ERBB4: variants seen among roughly 807,000 people sequenced by gnomAD.
ERBB4 encodes the protein receptor tyrosine-protein kinase erbB-4.
Under a neutral mutation model 158.0 loss-of-function variants are expected in ERBB4, and 42 were observed. The ratio of observed to expected loss-of-function variants is 0.27; its 90% CI spans 0.21 to 0.34. The LOEUF is 0.34. Ranked by LOEUF, ERBB4 falls within the 10% of genes least tolerant of loss-of-function variation. ERBB4 has a pLI of 1.00. For missense variants in ERBB4, 1,333 were observed against 1,624.1 expected (o/e 0.82, Z 3.08); for synonymous variants, 583 against 558.7 (o/e 1.04, Z -0.61).
intron 1 of ERBB4, among the ~76,000 whole-genome samples, chr2:212,367,932 G>A (rs1338492468): frequency 6.6e-6 from 1 of 151,992 alleles, no homozygotes; most frequent in Non-Finnish European, 1.5e-5. Context: ...TCAAAAAACA[G>A]TAGATGTTGG....
chr2:212,242,783 T>A (rs1031938622), intron 1 of ERBB4, among the ~76,000 whole-genome samples: 1 of 152,208 alleles, frequency 6.6e-6, no homozygotes, highest in Non-Finnish European at 1.5e-5. Context: ...ATTTAAATTG[T>A]GGCACTACAA....
chr2:211,653,401 A>G lies in ERBB4; in HGVS notation c.1946+4353T>C, dbSNP rs1574929354. The stretch of plus-strand genomic sequence containing the variant: ...GGCTTGGGAAAGAATAACATTGCTT[A>G]GAAAATGAAAGTTGATCAAGACTGG... On this transcript the variant is annotated intron_variant, in intron 16 of 27. Transcript: ENST00000342788. 2.6e-5 allele frequency among the ~76,000 whole-genome samples: 4 copies of G among 152,168 alleles called. No homozygotes were observed. The East Asian group carries it at 7.7e-4, about 29-fold the overall frequency.
intron 1 of ERBB4, among the ~76,000 whole-genome samples, chr2:212,163,480 T>C (rs1234336921): frequency 1.3e-5 from 2 of 152,094 alleles, no homozygotes; most frequent in Admixed American, 6.6e-5. Flanking sequence ...ATCTAACACA[T>C]AAAGAATTGA....
chr2:212,451,916 T>C (rs1227978725), intron 1 of ERBB4, among the ~76,000 whole-genome samples: 1 of 152,088 alleles, frequency 6.6e-6, no homozygotes, highest in Non-Finnish European at 1.5e-5. Context: ...AAATGAAGGT[T>C]GCATCACCAG....
chr2:211,427,228 A>G (rs941938080), intron 22 of ERBB4, among the ~76,000 whole-genome samples: 9 of 151,950 alleles, frequency 5.9e-5, no homozygotes, highest in Admixed American at 3.3e-4. Flanking sequence ...TTTTTTTTCC[A>G]ACAATGCAAA....
intron 20 of ERBB4, among the ~76,000 whole-genome samples, chr2:211,448,412 T>C (rs965112401): frequency 1.3e-5 from 2 of 150,908 alleles, no homozygotes; most frequent in South Asian, 2.1e-4. Context: ...CAGCCATTTA[T>C]GATTTTTTAA....
intron 1 of ERBB4, among the ~76,000 whole-genome samples, chr2:212,181,904 T>G (rs745817189): frequency 2.6e-5 from 4 of 151,712 alleles, no homozygotes; most frequent in Admixed American, 6.6e-5. Context: ...TTAAAATATC[T>G]GTTCCCTCCA....
chr2:211,523,067 A>G (rs148069943), intron 20 of ERBB4, among the ~76,000 whole-genome samples: 142 of 150,478 alleles, frequency 9.4e-4, no homozygotes, highest in African/African-American at 3.5e-3. Context: ...GATAGGAAAT[A>G]ACACTGGATA....
Position 211,833,552 on chromosome 2 carries a change from T to C in ERBB4, c.422-45393A>G, listed in dbSNP as rs556101027. Among the ~76,000 whole-genome samples the C allele has an allele frequency of 2.0e-5, 3 of 152,100 alleles. No homozygotes were observed. In the East Asian group the frequency reaches 5.8e-4, roughly 30 times the overall value. Reference sequence around the variant, plus strand: ...CTCAGATCTAGCTCTGAGCTATAGATAGATATGATCATCTTCCCTGAGGGA... The same window carrying C: ...CTCAGATCTAGCTCTGAGCTATAGACAGATATGATCATCTTCCCTGAGGGA... On this transcript the variant is annotated intron_variant, in intron 3 of 27. Transcript: ENST00000342788.
At chr2:211,704,003 C>G in intron 11 of ERBB4, 101 bp downstream of exon 11, 1 of 794,978 alleles carries the variant, frequency 1.3e-6, no homozygotes, top group Non-Finnish European at 2.3e-6. Context: ...ATGATTTCCC[C>G]AGAATCAGTA....
chr2:212,188,252 CT>C (rs1559692131), intron 1 of ERBB4, among the ~76,000 whole-genome samples: 13 of 90,372 alleles, frequency 1.4e-4, no homozygotes, highest in East Asian at 5.3e-4. Flanking sequence ...CTCTCACCCC[CT>C]CCCTCCCTCC....
chr2:211,802,693 A>G (rs2076527636), intron 3 of ERBB4, among the ~76,000 whole-genome samples: 1 of 152,260 alleles, frequency 6.6e-6, no homozygotes, highest in South Asian at 2.1e-4. Flanking sequence ...GTTATAATCT[A>G]AATTGCAACT....
Position 211,785,189 on chromosome 2 carries a change from C to A in ERBB4, c.556+2836G>T, listed in dbSNP as rs576145056. 3.9e-5 allele frequency among the ~76,000 whole-genome samples: 6 copies of A among 152,062 alleles called. No individual in the cohort carries two copies. The South Asian group carries it at 1.2e-3, about 32-fold the overall frequency. On this transcript the variant is annotated intron_variant, in intron 4 of 27. Transcript: ENST00000342788. ...CCATCTCGGCTCACTGCAAGCCCCG[C>A]CTCCTGGGTTCACGCCATTCTCCAG...
intron 20 of ERBB4, among the ~76,000 whole-genome samples, chr2:211,550,611 ATCTC>A (rs1236841036): frequency 2.1e-5 from 3 of 145,644 alleles, no homozygotes; most frequent in African/African-American, 5.0e-5. Flanking sequence ...ATAGATATCT[ATCTC>A]TATATATGAA....
chr2:211,485,898 C>T (rs894760346), intron 20 of ERBB4, among the ~76,000 whole-genome samples: 1 of 151,814 alleles, frequency 6.6e-6, no homozygotes, highest in African/African-American at 2.4e-5. Context: ...TTACAGAAAT[C>T]GTCAGGGGCT....
chr2:212,062,375 T>G (rs1487836705), intron 2 of ERBB4, among the ~76,000 whole-genome samples: 1 of 145,692 alleles, frequency 6.9e-6, no homozygotes, highest in African/African-American at 2.5e-5. Context: ...GTCTTCCTCC[T>G]ACTACTCTTC....
intron 1 of ERBB4, among the ~76,000 whole-genome samples, chr2:212,236,398 G>A (rs1024699261): frequency 3.3e-5 from 5 of 152,208 alleles, no homozygotes; most frequent in East Asian, 1.9e-4. Context: ...TCACATCGAT[G>A]TTCATCTGGG....
intron 1 of ERBB4, among the ~76,000 whole-genome samples, chr2:212,192,979 C>T (rs186892577): frequency 1.3e-5 from 2 of 152,224 alleles, no homozygotes; most frequent in African/African-American, 4.8e-5. Flanking sequence ...ACGAAAGCTC[C>T]CTTTTGTAAA....
chr2:211,915,902 A>C (rs2079676701), intron 3 of ERBB4, among the ~76,000 whole-genome samples: 1 of 151,924 alleles, frequency 6.6e-6, no homozygotes, highest in Admixed American at 6.6e-5. Flanking sequence ...TATGCTAAGT[A>C]ATTTAAAAAT....
Sources: gnomAD v4.1 joint callset for allele counts (sites outside exome capture counted in the v4.1 genomes callset) on GRCh38, gnomAD v4.1.1 for gene constraint, MANE v1.5 for transcripts, NCBI Gene and HGNC (gene_info 2026-07-23, HGNC 2026-07-21) for gene names.